STK10: variants seen among roughly 807,000 people sequenced by gnomAD.
STK10 encodes the protein serine/threonine kinase 10.
Under a neutral mutation model 113.8 loss-of-function variants are expected in STK10, and 78 were observed. The observed-to-expected ratio is 0.69, with a 90% CI of 0.57 to 0.83. STK10 has a LOEUF of 0.83. Ranked by LOEUF, STK10 falls within the 40% of genes least tolerant of loss-of-function variation. The probability of loss-of-function intolerance (pLI) is 0.00; values close to 1 mark genes in which losing one functional copy is unlikely to be tolerated. For missense variants in STK10, 1,109 were observed against 1,280.1 expected (o/e 0.87, Z 2.04); for synonymous variants, 465 against 494.7 (o/e 0.94, Z 0.80).
At chr5:172,109,507 T>C (rs1769187468) in intron 4 of STK10, among the ~76,000 whole-genome samples, 1 of 151,734 alleles carries the variant, frequency 6.6e-6, no homozygotes, top group African/African-American at 2.4e-5. Context: ...ATGGAGTCTC[T>C]ATGTTGCCCA....
rs979175584 is a variant in STK10, at chr5:172,188,109, G to C, written c.-67C>G. On this transcript the variant is annotated 5_prime_UTR_variant, in exon 1 of 19. Transcript: ENST00000176763. This position sits in a 1 kb window ranked among gnomAD's most constrained non-coding sequence, Gnocchi z 5.6. ...CTCGGGCTGTGGCTTCGGCGGCCGC[G>C]AGGAGAAGGAGGAGGAGTTGGAGGA... The C allele has an allele frequency of 3.8e-5, 59 of 1,555,208 alleles. No individual in the cohort carries two copies. Among genetic ancestry groups the C allele is most frequent in the Non-Finnish European group, 4.8e-5 (55 of 1,151,266 alleles).
At chr5:172,071,754 C>T (rs972164718) in intron 12 of STK10, among the ~76,000 whole-genome samples, 3 of 152,120 alleles carry the variant, frequency 2.0e-5, no homozygotes, top group African/African-American at 7.2e-5. Flanking sequence ...CTCGTCCTTA[C>T]AAGCAGCCCA....
Position 172,044,737 on chromosome 5 carries a change from C to G in STK10, c.*145G>C. On this transcript the variant is annotated 3_prime_UTR_variant, in exon 19 of 19. Transcript: ENST00000176763. The surrounding 1 kb of genome is among the most constrained non-coding windows in gnomAD (Gnocchi z 4.5). ...AACGCTGGGGCAGGTCTATCAGGCA[C>G]AGTTGGGGTGGCACAGGGCGAGGGG... is the stretch of plus-strand genomic sequence containing the variant. 1 of 1,364,360 alleles carries G rather than the reference C, an allele frequency of 7.3e-7. No individual in the cohort carries two copies. The highest frequency in any genetic ancestry group is 1.2e-5 in the South Asian group (1 of 81,370). 84.5% of individuals were successfully genotyped at this position (1,364,360 alleles called of 1,614,324 possible).
At position 172,072,511 on chromosome 5, in the gene STK10, G is replaced by A. The variant is rs530682823; in HGVS notation, c.1990-7699C>T. ...TCTCGATCTCCTGACCTTGTGATCC[G>A]CCTGCCTCGGCCTCCCAAAGTGCTA... On this transcript the variant is annotated intron_variant, in intron 12 of 18. Coordinates refer to ENST00000176763, the MANE Select transcript of STK10 (RefSeq NM_005990.4). Among the ~76,000 whole-genome samples, 599 of 152,198 alleles carry A rather than the reference G, an allele frequency of 3.9e-3. 1 individual carries two copies. The highest frequency in any genetic ancestry group is 4.4e-3 in the Non-Finnish European group (297 of 67,996).
At chr5:172,068,896 AC>A (rs1203121529) in intron 12 of STK10, among the ~76,000 whole-genome samples, 474 of 149,868 alleles carry the variant, frequency 3.2e-3, no homozygotes, top group African/African-American at 0.011. Context: ...AAAAAAAAAA[AC>A]AAAACCAAAA....
chr5:172,056,950 A>AGAAGGAAGGATG (rs1240252064), intron 15 of STK10: 1 of 83,098 alleles, frequency 1.2e-5, no homozygotes, highest in Non-Finnish European at 2.4e-5. Flanking sequence ...AAAGAAAGAA[A>AGAAGGAAGGATG]GAAGGAAAGA....
At chr5:172,081,982 T>A (rs116126297) in intron 12 of STK10, among the ~76,000 whole-genome samples, 1 of 152,148 alleles carries the variant, frequency 6.6e-6, no homozygotes, top group African/African-American at 2.4e-5. Flanking sequence ...CCACTCGCCC[T>A]TCTGGGAACA....
At chr5:172,087,237 T>G (rs916800375) in intron 10 of STK10, among the ~76,000 whole-genome samples, 7 of 147,034 alleles carry the variant, frequency 4.8e-5, no homozygotes, top group Non-Finnish European at 8.9e-5. Context: ...CATCTAAAAC[T>G]ACTTTTATTT....
chr5:172,110,349 T>C (rs1269312714), intron 4 of STK10, among the ~76,000 whole-genome samples: 1 of 152,176 alleles, frequency 6.6e-6, no homozygotes, highest in Non-Finnish European at 1.5e-5. Flanking sequence ...ACATCTATTA[T>C]GTGCCCGACA....
rs1465860505 is a variant in STK10 at position 172,082,825 on chromosome 5, A to G, written c.1809+136T>C. The G allele has an allele frequency of 1.4e-6, 2 of 1,387,098 alleles. No individual in the cohort carries two copies. The highest frequency in any genetic ancestry group is 5.3e-4 in the Middle Eastern group (2 of 3,748). The allele number at this position is 1,387,098 out of a possible 1,614,324, so 85.9% of individuals were successfully genotyped here. On this transcript the variant is annotated intron_variant, in intron 11 of 18. Transcript: ENST00000176763. The surrounding 1 kb of genome is among the most constrained non-coding windows in gnomAD (Gnocchi z 4.3). ...TGTTAACAAGTCACTGCCTAACAAG[A>G]TCGGGAAGCCCCCAGGAATTGGGCA...
At position 172,082,009 on chromosome 5, in the gene STK10, C is replaced by T. The variant is rs1022903530; in HGVS notation, c.1989+317G>A. The stretch of plus-strand genomic sequence containing the variant: ...CTGGGAACAGCATCTCAAATTCCCC[C>T]GGACCACCAGCCCTTCCTTCTTCCC... On this transcript the variant is annotated intron_variant, in intron 12 of 18. Coordinates refer to ENST00000176763, the MANE Select transcript of STK10 (RefSeq NM_005990.4). This position sits in a 1 kb window ranked among gnomAD's most constrained non-coding sequence, Gnocchi z 4.3. Among the ~76,000 whole-genome samples, 5 of 152,140 alleles carry T rather than the reference C, an allele frequency of 3.3e-5. No homozygotes were observed. The highest frequency in any genetic ancestry group is 7.3e-5 in the Non-Finnish European group (5 of 68,030).
intron 3 of STK10, among the ~76,000 whole-genome samples, chr5:172,121,766 G>A (rs1232546537): frequency 1.3e-5 from 2 of 151,952 alleles, no homozygotes; most frequent in Non-Finnish European, 2.9e-5. Context: ...GTCTTACTAC[G>A]TTGTCCAAGC....
intron 2 of STK10, among the ~76,000 whole-genome samples, chr5:172,149,618 T>C (rs1770167357): frequency 6.6e-6 from 1 of 151,132 alleles, no homozygotes; most frequent in African/African-American, 2.4e-5. Context: ...GAAGACCAGG[T>C]CCCCACGGCA....
intron 18 of STK10, among the ~76,000 whole-genome samples, chr5:172,049,568 T>A (rs947167015): frequency 6.6e-6 from 1 of 151,152 alleles, no homozygotes; most frequent in Non-Finnish European, 1.5e-5. Flanking sequence ...ACAGTAGTTC[T>A]CGAAGTGTGG....
intron 7 of STK10, among the ~76,000 whole-genome samples, chr5:172,097,738 G>A (rs565293083): frequency 6.6e-4 from 101 of 152,214 alleles, no homozygotes; most frequent in African/African-American, 2.4e-3. Context: ...TATGTCTTTG[G>A]GTGGACATAT....
At chr5:172,080,774 G>A (rs1328742194) in intron 12 of STK10, among the ~76,000 whole-genome samples, 2 of 152,216 alleles carry the variant, frequency 1.3e-5, no homozygotes, top group Non-Finnish European at 2.9e-5. Context: ...AAAGTGCAAG[G>A]TGCAGCAGCA....
At chr5:172,148,002 G>A (rs1033839933) in intron 2 of STK10, among the ~76,000 whole-genome samples, 9 of 152,148 alleles carry the variant, frequency 5.9e-5, no homozygotes, top group Non-Finnish European at 1.2e-4. Context: ...ACATCTGTTG[G>A]CTGATGTGGA....
Position 172,082,648 on chromosome 5 carries a change from C to G in STK10, c.1810-143G>C, listed in dbSNP as rs1768459671. On this transcript the variant is annotated intron_variant, in intron 11 of 18. Coordinates refer to ENST00000176763, the MANE Select transcript of STK10 (RefSeq NM_005990.4). The surrounding 1 kb of genome is among the most constrained non-coding windows in gnomAD (Gnocchi z 4.3). ...CTCTACTACCCCGTTGCTGTGTGACCTGGGGCAAGTTACTTAGCCTGAGTC... is the reference window on the plus strand; with the variant it reads ...CTCTACTACCCCGTTGCTGTGTGACGTGGGGCAAGTTACTTAGCCTGAGTC... The G allele has an allele frequency of 8.8e-7, 1 of 1,134,958 alleles. No individual in the cohort carries two copies. The highest frequency in any genetic ancestry group is 1.7e-5 in the South Asian group (1 of 59,524). The allele number at this position is 1,134,958 out of a possible 1,614,324, so 70.3% of individuals were successfully genotyped here.
chr5:172,106,260 G>A (rs1769102951), intron 6 of STK10, among the ~76,000 whole-genome samples: 1 of 151,786 alleles, frequency 6.6e-6, no homozygotes, highest in Admixed American at 6.6e-5. Flanking sequence ...AAATTAGCCA[G>A]GCATGGTGGT....
Sources: allele counts gnomAD v4.1 joint callset (sites outside exome capture counted in the v4.1 genomes callset), GRCh38; gene constraint gnomAD v4.1.1; non-coding constraint Gnocchi (gnomAD v3.1); transcripts MANE v1.5; gene names NCBI Gene and HGNC (gene_info 2026-07-23, HGNC 2026-07-21).